Variants in ZFHX3 observed in about 807,000 individuals in gnomAD.
The protein encoded by ZFHX3 is zinc finger homeobox protein 3.
In ZFHX3, 42 loss-of-function variants were observed where a neutral mutation model predicts 279.1. That is an observed-to-expected ratio of 0.15 (90% CI 0.12 to 0.19). ZFHX3 has a LOEUF of 0.19. Among genes scored for constraint, ZFHX3 ranks in the 10% least tolerant of loss-of-function variants. The pLI, the probability that ZFHX3 is intolerant of heterozygous loss-of-function variation, is 1.00. For synonymous variants in ZFHX3, 2,293 were observed against 1,957.8 expected (o/e 1.17, Z -4.52); for missense variants, 4,981 against 4,754.0 (o/e 1.05, Z -1.40).
intron 3 of ZFHX3, among the ~76,000 whole-genome samples, chr16:73,360,535 C>T (rs529573431): frequency 1.6e-4 from 25 of 152,152 alleles, no homozygotes; most frequent in Admixed American, 2.6e-4. Flanking sequence ...GACAGGGTTT[C>T]GCCATGTTGG....
chr16:73,252,096 C>T (rs1253137661), intron 5 of ZFHX3, among the ~76,000 whole-genome samples: 1 of 152,118 alleles, frequency 6.6e-6, no homozygotes, highest in Non-Finnish European at 1.5e-5. Flanking sequence ...CAAAAACATC[C>T]AGAAAAAATA....
chr16:73,045,218 A>C (rs1343110291), intron 1 of ZFHX3, among the ~76,000 whole-genome samples: 1 of 152,262 alleles, frequency 6.6e-6, no homozygotes, highest in Non-Finnish European at 1.5e-5. Context: ...CCTGGATGCT[A>C]GAACTAAGCC....
chr16:73,273,642 GC>G (rs1474551698), intron 4 of ZFHX3, among the ~76,000 whole-genome samples: 1 of 151,898 alleles, frequency 6.6e-6, no homozygotes, highest in Non-Finnish European at 1.5e-5. Flanking sequence ...TTAAGATCTA[GC>G]CCCCTCTTTG....
chr16:73,469,491 G>T (rs1006920701), intron 2 of ZFHX3, among the ~76,000 whole-genome samples: 2 of 152,028 alleles, frequency 1.3e-5, no homozygotes, highest in African/African-American at 4.8e-5. Flanking sequence ...AGTTCTGCAG[G>T]TTCTCAAAGA....
chr16:73,181,081 G>GTTTAT (rs1433948565), intron 5 of ZFHX3, among the ~76,000 whole-genome samples: 1 of 142,934 alleles, frequency 7.0e-6, no homozygotes. Context: ...TTTTTTGTTT[G>GTTTAT]TTTGTTTTGT....
intron 1 of ZFHX3, among the ~76,000 whole-genome samples, chr16:72,986,611 C>T (rs79769624): frequency 0.017 from 2,549 of 152,282 alleles, 47 homozygotes; most frequent in African/African-American, 0.05. Flanking sequence ...CCACCGTTTT[C>T]CTCGAGACGC....
chr16:73,081,107 G>A (rs993951644), intron 8 of ZFHX3: 1 of 152,154 alleles, frequency 6.6e-6, no homozygotes, highest in Admixed American at 6.6e-5. Flanking sequence ...AACATATGAT[G>A]TCATGATAAT....
intron 1 of ZFHX3, among the ~76,000 whole-genome samples, chr16:73,027,512 C>A (rs1251630869): frequency 6.6e-6 from 1 of 152,174 alleles, no homozygotes; most frequent in Non-Finnish European, 1.5e-5. Context: ...CACAAAATTT[C>A]AAGTTAAGAA....
intron 2 of ZFHX3, among the ~76,000 whole-genome samples, chr16:73,598,091 G>C (rs1160129438): frequency 2.0e-5 from 3 of 152,158 alleles, no homozygotes; most frequent in African/African-American, 4.8e-5. Flanking sequence ...GCTCCTGTTA[G>C]GCTGCTAAGG....
At chr16:73,754,108 T>A (rs2142273352) in intron 1 of ZFHX3, among the ~76,000 whole-genome samples, 1 of 152,154 alleles carries the variant, frequency 6.6e-6, no homozygotes, top group African/African-American at 2.4e-5. Flanking sequence ...ATTCATACCA[T>A]GTTGGCAGAC....
At position 72,959,087 on chromosome 16, in the gene ZFHX3, G is replaced by A. The variant is rs769331895; in HGVS notation, c.1059C>T (p.Ser353=). The A allele has an allele frequency of 3.1e-6, 5 of 1,614,084 alleles. No individual in the cohort carries two copies. Among genetic ancestry groups the A allele is most frequent in the African/African-American group, 2.7e-5 (2 of 74,922 alleles). The change falls in exon 2 of 10, where the codon TCC becomes TCT. Residue 353 remains serine, a synonymous_variant. Transcript: ENST00000268489. ...KNKNFQHPLV[S]TANLIGPGHS... ...GTCCGGGGCCTATGAGGTTAGCTGT[G>A]GAAACTAAAGGGTGTTGAAAGTTTT...
chr16:73,048,937 A>C (rs894862514), upstream of ZFHX3, among the ~76,000 whole-genome samples: 1 of 152,208 alleles, frequency 6.6e-6, no homozygotes, highest in Non-Finnish European at 1.5e-5. Context: ...CAGGCTCCTT[A>C]GCCTCACCTT....
intron 6 of ZFHX3, among the ~76,000 whole-genome samples, chr16:73,141,822 T>G (rs890278462): frequency 6.6e-6 from 1 of 152,190 alleles, no homozygotes; most frequent in Non-Finnish European, 1.5e-5. Context: ...AGAGAAAGAA[T>G]AGGTCTGGAA....
chr16:73,746,211 G>A (rs751145071), intron 1 of ZFHX3, among the ~76,000 whole-genome samples: 1 of 152,166 alleles, frequency 6.6e-6, no homozygotes, highest in African/African-American at 2.4e-5. Flanking sequence ...ATAAACTTCA[G>A]TGGCCTGGAG....
At chr16:73,085,985 CAA>C (rs57128744) in intron 8 of ZFHX3, among the ~76,000 whole-genome samples, 3,634 of 54,140 alleles carry the variant, frequency 0.067, 107 homozygotes, top group African/African-American at 0.2. Context: ...AACTCAATTG[CAA>C]AAAAAAAAAA....
At chr16:73,797,164 T>C (rs569412671) in intron 1 of ZFHX3, among the ~76,000 whole-genome samples, 9 of 152,094 alleles carry the variant, frequency 5.9e-5, no homozygotes, top group Non-Finnish European at 1.3e-4. Flanking sequence ...GATCATACCA[T>C]TGCACTCCAA....
intron 2 of ZFHX3, among the ~76,000 whole-genome samples, chr16:73,636,883 T>C (rs1488921993): frequency 6.6e-6 from 1 of 152,156 alleles, no homozygotes; most frequent in South Asian, 2.1e-4. Context: ...CTAAGTTTAT[T>C]TGGGCTAGGG....
At chr16:72,822,795 G>GCTTTTTTTTTTTTTTTTTTT (rs2036829166) in intron 5 of ZFHX3, among the ~76,000 whole-genome samples, 1 of 90,438 alleles carries the variant, frequency 1.1e-5, no homozygotes, top group Non-Finnish European at 2.1e-5. Flanking sequence ...TAGAAAGTGA[G>GCTTTTTTTTTTTTTTTTTTT]TTTTTTTTTT....
At chr16:73,788,214 A>G (rs1304097641) in intron 1 of ZFHX3, among the ~76,000 whole-genome samples, 2 of 152,128 alleles carry the variant, frequency 1.3e-5, no homozygotes, top group Non-Finnish European at 2.9e-5. Flanking sequence ...AGAGTAAAAT[A>G]CCACGACCTC....
Sources: gnomAD v4.1 joint callset for allele counts (sites outside exome capture counted in the v4.1 genomes callset) on GRCh38, gnomAD v4.1.1 for gene constraint, MANE v1.5 for transcripts, NCBI Gene and HGNC (gene_info 2026-07-23, HGNC 2026-07-21) for gene names.